The following EML6 variants were observed in gnomAD, a reference collection of about 807,000 sequenced individuals.
EML6 encodes the protein echinoderm microtubule-associated protein-like 6.
In EML6, 154 loss-of-function variants were observed where a neutral mutation model predicts 240.1. The observed-to-expected ratio is 0.64, with a 90% CI of 0.56 to 0.73. The LOEUF is 0.73. EML6 is among the 30% of genes least tolerant of loss of function. EML6 has a pLI of 0.00. For synonymous variants in EML6, 1,148 were observed against 899.0 expected (o/e 1.28, Z -4.95); for missense variants, 2,964 against 2,474.6 (o/e 1.20, Z -4.20).
At chr2:54,920,382 AT>A (rs1434400789) in intron 26 of EML6, among the ~76,000 whole-genome samples, 3 of 152,204 alleles carry the variant, frequency 2.0e-5, no homozygotes, top group Non-Finnish European at 2.9e-5. Flanking sequence ...ACTTTGAGCA[AT>A]TACATGCCAA....
intron 2 of EML6, among the ~76,000 whole-genome samples, chr2:54,789,541 A>G (rs923340210): frequency 4.9e-5 from 7 of 143,434 alleles, no homozygotes; most frequent in African/African-American, 1.7e-4. Flanking sequence ...AAAAAAAAAA[A>G]AAAAAAAGAA....
intron 16 of EML6, among the ~76,000 whole-genome samples, chr2:54,874,105 C>G (rs1051091022): frequency 2.6e-5 from 4 of 152,020 alleles, no homozygotes; most frequent in African/African-American, 9.7e-5. Flanking sequence ...AAATAATTAG[C>G]TCGTGTTATT....
intron 1 of EML6, among the ~76,000 whole-genome samples, chr2:54,723,994 C>G (rs997482643): frequency 6.6e-6 from 1 of 152,238 alleles, no homozygotes; most frequent in Admixed American, 6.5e-5. Flanking sequence ...GGGCTCAGGG[C>G]AGGACCCGGG....
rs113752851 is a variant in EML6, at chr2:54,933,119, T to C, written c.4004+4368T>C. On this transcript the variant is annotated intron_variant, in intron 28 of 41. Coordinates refer to ENST00000356458, the MANE Select transcript of EML6 (RefSeq NM_001039753.4). Reference sequence around the variant, plus strand: ...GGTAGAAAAATGGCTGCAGAACTTATAGTCTCTGTGGTTCAAAATCAGTAG... The same window carrying C: ...GGTAGAAAAATGGCTGCAGAACTTACAGTCTCTGTGGTTCAAAATCAGTAG... Among the ~76,000 whole-genome samples the C allele has an allele frequency of 5.7e-3, 870 of 152,290 alleles. 15 individuals are homozygous for C. The highest frequency in any genetic ancestry group is 0.019 in the African/African-American group (791 of 41,562).
At chr2:54,960,425 T>C in intron 35 of EML6, 91 bp downstream of exon 35, 2 of 938,408 alleles carry the variant, frequency 2.1e-6, no homozygotes, top group Non-Finnish European at 3.3e-6. Flanking sequence ...GCTGGTTTGT[T>C]TACTCCTTGA....
chr2:54,937,397 C>T (rs1420274316), intron 28 of EML6, among the ~76,000 whole-genome samples: 1 of 151,408 alleles, frequency 6.6e-6, no homozygotes, highest in East Asian at 1.9e-4. Context: ...ATAGGGAGAC[C>T]TTGTCTCTAC....
intron 29 of EML6, 104 bp from the exon 30 acceptor site, chr2:54,950,546 T>TAC: frequency 1.5e-6 from 2 of 1,324,984 alleles, no homozygotes; most frequent in Non-Finnish European, 2.1e-6. Context: ...TCACCAGCCA[T>TAC]ACCGTTCCTG....
At chr2:54,801,289 T>G (rs1332082775) in intron 2 of EML6, among the ~76,000 whole-genome samples, 3 of 148,166 alleles carry the variant, frequency 2.0e-5, no homozygotes, top group African/African-American at 7.4e-5. Context: ...CATTCCAGCC[T>G]GGGCTACAGA....
chr2:54,811,935 T>C (rs1300882876), intron 2 of EML6, among the ~76,000 whole-genome samples: 1 of 152,224 alleles, frequency 6.6e-6, no homozygotes, highest in Admixed American at 6.5e-5. Flanking sequence ...GCTATCTTTT[T>C]GTATTACTTG....
chr2:54,952,237 A>G (rs1043461784), intron 30 of EML6, among the ~76,000 whole-genome samples: 7 of 152,130 alleles, frequency 4.6e-5, no homozygotes, highest in Non-Finnish European at 1.5e-5. Context: ...ACTGAGAAGC[A>G]CCAGTCCTGT....
chr2:54,803,118 G>A (rs1436739081), intron 2 of EML6, among the ~76,000 whole-genome samples: 1 of 152,148 alleles, frequency 6.6e-6, no homozygotes, highest in Non-Finnish European at 1.5e-5. Flanking sequence ...GAACAGAAGG[G>A]AGAGGAAAAA....
At chr2:54,948,814 C>T in intron 28 of EML6, 68 bp from the exon 29 acceptor site, 1 of 1,279,082 alleles carries the variant, frequency 7.8e-7, no homozygotes, top group Non-Finnish European at 1.1e-6. Flanking sequence ...CTAGACAGGC[C>T]ACACCGGGAA....
chr2:54,863,483 T>A (rs1670792218), intron 12 of EML6, among the ~76,000 whole-genome samples: 2 of 152,084 alleles, frequency 1.3e-5, no homozygotes, highest in Non-Finnish European at 2.9e-5. Flanking sequence ...ATTGTGCCAC[T>A]GCGTTCCAGC....
intron 40 of EML6, 114 bp downstream of exon 40, chr2:54,968,395 C>T (rs1195633420): frequency 2.9e-6 from 3 of 1,030,576 alleles, no homozygotes; most frequent in African/African-American, 3.2e-5. Flanking sequence ...TGTCCCGGTA[C>T]AGTGGAAATA....
intron 10 of EML6, among the ~76,000 whole-genome samples, chr2:54,850,673 T>C (rs1025717478): frequency 6.6e-6 from 1 of 152,084 alleles, no homozygotes; most frequent in African/African-American, 2.4e-5. Context: ...AAAGTACCAT[T>C]TTACACTATT....
rs1270865190 is a variant in EML6 at position 54,952,574 on chromosome 2, C to A, written c.4214-20C>A. On this transcript the variant is annotated intron_variant, in intron 30 of 41. Transcript: ENST00000356458. ...TCTTTAGGTTCCACTGTTCACCCTCCCATGATCTCTCTCCCCCAGGGAGCC... is the reference window on the plus strand; with the variant it reads ...TCTTTAGGTTCCACTGTTCACCCTCACATGATCTCTCTCCCCCAGGGAGCC... 6.6e-7 allele frequency: 1 copy of A among 1,522,320 alleles called. No individual in the cohort carries two copies. The highest frequency in any genetic ancestry group is 8.9e-7 in the Non-Finnish European group (1 of 1,121,142). The allele number at this position is 1,522,320 out of a possible 1,614,324, so 94.3% of individuals were successfully genotyped here.
chr2:54,860,320 C>T (rs988789465), intron 12 of EML6, among the ~76,000 whole-genome samples: 1 of 152,114 alleles, frequency 6.6e-6, no homozygotes, highest in Non-Finnish European at 1.5e-5. Context: ...GGAAAGAAGC[C>T]TCGGTTTGAT....
chr2:54,755,190 C>A (rs1198310372), intron 2 of EML6, among the ~76,000 whole-genome samples: 2 of 152,158 alleles, frequency 1.3e-5, no homozygotes, highest in Admixed American at 6.5e-5. Flanking sequence ...AATCAGGCAG[C>A]CCTAATAAGT....
chr2:54,926,799 C>A (rs1674571513), intron 26 of EML6, among the ~76,000 whole-genome samples: 1 of 152,154 alleles, frequency 6.6e-6, no homozygotes, highest in South Asian at 2.1e-4. Context: ...CCTCTATGTC[C>A]CTTTTTTCCC....
Sources: gnomAD v4.1 joint callset for allele counts (sites outside exome capture counted in the v4.1 genomes callset) on GRCh38, gnomAD v4.1.1 for gene constraint, MANE v1.5 for transcripts, NCBI Gene and HGNC (gene_info 2026-07-23, HGNC 2026-07-21) for gene names.